OXTR: variants seen among roughly 807,000 people sequenced by gnomAD.
OXTR encodes the protein oxytocin receptor.
Under a neutral mutation model 23.9 loss-of-function variants are expected in OXTR, and 19 were observed. The observed-to-expected ratio is 0.80, with a 90% confidence interval of 0.56 to 1.17. The LOEUF (loss-of-function observed/expected upper bound fraction) is 1.17, where lower values mean the gene tolerates loss of function less well. Among genes scored for constraint, OXTR ranks in the 50% most tolerant of loss-of-function variants. The pLI is 0.00. For synonymous variants in OXTR, 278 were observed against 250.5 expected (o/e 1.11, Z -1.04); for missense variants, 500 against 550.7 (o/e 0.91, Z 0.92).
In OXTR at chr3:8,760,928, G is replaced by C. The variant is rs187836184; in HGVS notation, c.922+6338C>G. On this transcript the variant is annotated intron_variant, in intron 3 of 3. Coordinates refer to ENST00000316793, the MANE Select transcript of OXTR (RefSeq NM_000916.4). ...TTAAAAAGCAGAACAAGGGGTCTAA[G>C]CCAGCAGTTCTTAACCAGGGATGAC... Among the ~76,000 whole-genome samples, 3 of 152,304 alleles carry C rather than the reference G, an allele frequency of 2.0e-5. No homozygotes were observed. The East Asian group carries it at 5.8e-4, about 29-fold the overall frequency.
Position 8,752,945 on chromosome 3 carries a change from C to T in OXTR, c.*32G>A, listed in dbSNP as rs766000773. ...GCACTTATGCCAGCACAGCCTGAGC[C>T]TCAGGCTGCAGCCCTGGCCCTGGCT... On this transcript the variant is annotated 3_prime_UTR_variant, in exon 4 of 4. Transcript: ENST00000316793. 6 of 1,593,914 alleles carry T rather than the reference C, an allele frequency of 3.8e-6. No homozygotes were observed. Among genetic ancestry groups the T allele is most frequent in the Non-Finnish European group, 5.1e-6 (6 of 1,169,336 alleles).
At chr3:8,749,664 A>C (rs893897099), downstream of OXTR, among the ~76,000 whole-genome samples, 1 of 152,228 alleles carries the variant, frequency 6.6e-6, no homozygotes, top group Non-Finnish European at 1.5e-5. Flanking sequence ...TGCATGTCCC[A>C]GCAACACTGA....
chr3:8,757,771 C>T (rs1355167650), intron 3 of OXTR, among the ~76,000 whole-genome samples: 1 of 152,038 alleles, frequency 6.6e-6, no homozygotes, highest in Non-Finnish European at 1.5e-5. Flanking sequence ...CCGGACTCCG[C>T]GGGGGCCGCT....
chr3:8,749,002 C>T (rs763991576), downstream of OXTR, among the ~76,000 whole-genome samples: 8 of 152,136 alleles, frequency 5.3e-5, no homozygotes, highest in African/African-American at 1.7e-4. Context: ...CTGGCAACCC[C>T]GGCCATGCAT....
chr3:8,745,669 G>A (rs760658807), downstream of OXTR: 18 of 1,614,036 alleles, frequency 1.1e-5, no homozygotes, highest in Admixed American at 1.7e-5. The surrounding 1 kb of genome is among the most constrained non-coding windows in gnomAD (Gnocchi z 4.8). Context: ...CACTGGCCCT[G>A]CTCTGGGGCT....
chr3:8,768,480 T>G lies in OXTR; in HGVS notation c.-143+16A>C. 1 of 306,746 alleles carries G rather than the reference T, an allele frequency of 3.3e-6. No homozygotes were observed. Among genetic ancestry groups the G allele is most frequent in the Non-Finnish European group, 5.8e-6 (1 of 171,424 alleles). 19.0% of individuals were successfully genotyped at this position (306,746 alleles called of 1,614,324 possible). On this transcript the variant is annotated intron_variant, in intron 2 of 3. Transcript: ENST00000316793. The surrounding 1 kb of genome is among the most constrained non-coding windows in gnomAD (Gnocchi z 5.4). ...GGTTGCTCAGCCGCCACCCCAGAAATCCCCGTTGGAGGTACCTCCTCTGAG... is the reference window on the plus strand; with the variant it reads ...GGTTGCTCAGCCGCCACCCCAGAAAGCCCCGTTGGAGGTACCTCCTCTGAG...
intron 3 of OXTR, among the ~76,000 whole-genome samples, chr3:8,763,086 T>C (rs1389041131): frequency 6.6e-6 from 1 of 152,168 alleles, no homozygotes; most frequent in Admixed American, 6.5e-5. Flanking sequence ...GCTTAACAAG[T>C]AGGGAACAGG....
In OXTR at chr3:8,763,775, T is replaced by C. The variant is rs114642920; in HGVS notation, c.922+3491A>G. Among the ~76,000 whole-genome samples the C allele has an allele frequency of 1.9e-3, 289 of 152,340 alleles. 1 individual carries two copies. Among genetic ancestry groups the C allele is most frequent in the African/African-American group, 6.6e-3 (276 of 41,572 alleles). On this transcript the variant is annotated intron_variant, in intron 3 of 3. Transcript: ENST00000316793. ...CCCAGATGCTCCCATTGGCTCTTTC[T>C]TCGGAATCATGGAAATATTTAAACT... is the stretch of plus-strand genomic sequence containing the variant.
chr3:8,760,366 A>G (rs1708460149), intron 3 of OXTR, among the ~76,000 whole-genome samples: 1 of 152,238 alleles, frequency 6.6e-6, no homozygotes, highest in Non-Finnish European at 1.5e-5. Context: ...ACATTTATGC[A>G]TGTCAGCAGC....
At chr3:8,753,417 A>G (rs550227922) in intron 3 of OXTR, among the ~76,000 whole-genome samples, 193 bp from the exon 4 acceptor site, 4 of 152,300 alleles carry the variant, frequency 2.6e-5, no homozygotes, top group Admixed American at 2.0e-4. Context: ...ACATGCCCTC[A>G]GGCTGTCCTC....
Position 8,752,838 on chromosome 3 carries a change from C to T in OXTR, c.*139G>A. 1.1e-6 allele frequency: 1 copy of T among 917,446 alleles called. No homozygotes were observed. Among genetic ancestry groups the T allele is most frequent in the Non-Finnish European group, 1.6e-6 (1 of 626,694 alleles). 56.8% of individuals were successfully genotyped at this position (917,446 alleles called of 1,614,324 possible). A position where few individuals can be genotyped will look rare whatever the true frequency, so the allele number is the denominator to read the frequency against. On this transcript the variant is annotated 3_prime_UTR_variant, in exon 4 of 4. Coordinates refer to ENST00000316793, the MANE Select transcript of OXTR (RefSeq NM_000916.4). ...CCATCATGGAGGCCACTCTCCACCC[C>T]ACTGAAGCCACCCCAAGGAGGGGAG...
Position 8,767,711 on chromosome 3 carries a change from G to C in OXTR, c.477C>G (p.Ala159=). ...TGGCCACCAGGCAGCCGAGCCACGT[G>C]GCGAGCACTGCCAGGCGGTCGGTGC... The part of the protein sequence containing the change: ...RRRTDRLAVL[A]TWLGCLVASA... Residue 159 remains alanine (A), a synonymous_variant, in exon 3 of 4, where the codon GCC becomes GCG. Transcript: ENST00000316793. 1.9e-6 allele frequency: 3 copies of C among 1,609,962 alleles called. No individual in the cohort carries two copies. The highest frequency in any genetic ancestry group is 2.5e-6 in the Non-Finnish European group (3 of 1,178,222).
At chr3:8,769,192 C>G (rs1226243794) in intron 1 of OXTR, 39 bp downstream of exon 1, 1 of 152,458 alleles carries the variant, frequency 6.6e-6, no homozygotes, top group Non-Finnish European at 1.5e-5. Context: ...CTCCACCGGC[C>G]CTAGCCATCC....
In OXTR at chr3:8,767,347, CGAT is replaced by C; in HGVS notation, c.838_840del (p.Ile280del). The C allele has an allele frequency of 6.2e-7, 1 of 1,612,162 alleles. No individual in the cohort carries two copies. The highest frequency in any genetic ancestry group is 8.5e-7 in the Non-Finnish European group (1 of 1,179,274). On this transcript the variant is annotated inframe_deletion, in exon 3 of 4. Coordinates refer to ENST00000316793, the MANE Select transcript of OXTR (RefSeq NM_000916.4). Reference sequence around the variant, plus strand: ...GTCCAGCACACGATGAAGGCCAGCACGATGATGAAAGTCATCTTGACCGTGCGG... The same window carrying C: ...GTCCAGCACACGATGAAGGCCAGCACGATGAAAGTCATCTTGACCGTGCGG...
chr3:8,745,658 C>T (rs137881434), downstream of OXTR: 7 of 1,614,000 alleles, frequency 4.3e-6, no homozygotes, highest in African/African-American at 1.3e-5. The surrounding 1 kb of genome is among the most constrained non-coding windows in gnomAD (Gnocchi z 4.8). Context: ...GCTGGGCGTC[C>T]CACTGGCCCT....
In OXTR at chr3:8,753,235, G is replaced by A. The variant is rs1399892193; in HGVS notation, c.923-11C>T. 10 of 1,613,606 alleles carry A rather than the reference G, an allele frequency of 6.2e-6. No homozygotes were observed. The highest frequency in any genetic ancestry group is 1.1e-5 in the South Asian group (1 of 91,032). ...TGATGAAGGCCGAGGCTGAGGGGGTGGGGGCAGGAGAAAGGAGAAAAGGGC... is the reference window on the plus strand; with the variant it reads ...TGATGAAGGCCGAGGCTGAGGGGGTAGGGGCAGGAGAAAGGAGAAAAGGGC... On this transcript the variant is annotated splice_polypyrimidine_tract_variant and intron_variant, in intron 3 of 3. Coordinates refer to ENST00000316793, the MANE Select transcript of OXTR (RefSeq NM_000916.4).
rs2124992562 is a variant in OXTR, at chr3:8,751,505, A to G, written c.*1472T>C. ...TGCCTATGTTTCTTTCTAAGATTTTATAGTTTCAGCTCTTATATTTAGATC... is the reference window on the plus strand; with the variant it reads ...TGCCTATGTTTCTTTCTAAGATTTTGTAGTTTCAGCTCTTATATTTAGATC... On this transcript the variant is annotated 3_prime_UTR_variant, in exon 4 of 4. Transcript: ENST00000316793. The G allele has an allele frequency of 6.6e-6, 1 of 152,314 alleles. No individual in the cohort carries two copies. Among genetic ancestry groups the G allele is most frequent in the Middle Eastern group, 3.4e-3 (1 of 294 alleles). 9.4% of individuals were successfully genotyped at this position (152,314 alleles called of 1,614,324 possible).
downstream of OXTR, among the ~76,000 whole-genome samples, chr3:8,748,502 C>A (rs1297117680): frequency 6.6e-6 from 1 of 152,208 alleles, no homozygotes; most frequent in African/African-American, 2.4e-5. Context: ...AACTCTGAAG[C>A]CCTGCAGGGA....
chr3:8,742,585 G>A, the OXTR span: 12 of 451,108 alleles, frequency 2.7e-5, no homozygotes, highest in South Asian at 1.1e-4. Context: ...ATGTATTTTC[G>A]AGGAATCTTC....
Sources: gnomAD v4.1 joint callset for allele counts (sites outside exome capture counted in the v4.1 genomes callset) on GRCh38, gnomAD v4.1.1 for gene constraint, Gnocchi (gnomAD v3.1) non-coding constraint, MANE v1.5 for transcripts, NCBI Gene and HGNC (gene_info 2026-07-23, HGNC 2026-07-21) for gene names.